Variants in SLCO3A1 observed in about 807,000 individuals in gnomAD.
The protein encoded by SLCO3A1 is solute carrier organic anion transporter family member 3A1.
In SLCO3A1, 27 loss-of-function variants were observed where a neutral mutation model predicts 63.1. That is an observed-to-expected ratio of 0.43 (90% CI 0.32 to 0.59). The LOEUF (loss-of-function observed/expected upper bound fraction) is 0.59. SLCO3A1 is among the 20% of genes least tolerant of loss of function. The pLI is 0.09. For synonymous variants in SLCO3A1, 473 were observed against 409.9 expected (o/e 1.15, Z -1.86); for missense variants, 773 against 945.8 (o/e 0.82, Z 2.40).
chr15:92,063,681 C>G (rs2047113541), intron 2 of SLCO3A1, among the ~76,000 whole-genome samples: 1 of 152,094 alleles, frequency 6.6e-6, no homozygotes, highest in African/African-American at 2.4e-5. Context: ...GGAACCCTGT[C>G]TCTACTAAAA....
chr15:92,109,730 C>T lies in SLCO3A1; in HGVS notation c.1009+5188C>T, dbSNP rs116872475. 6.4e-3 allele frequency among the ~76,000 whole-genome samples: 972 copies of T among 152,096 alleles called. 3 individuals are homozygous for T. The highest frequency in any genetic ancestry group is 0.011 in the Non-Finnish European group (746 of 68,010). The stretch of plus-strand genomic sequence containing the variant: ...AGGCTCAGAGTCTTCAAAGCCACCA[C>T]CCAAATCTAGGAGATGAGTTATGAT... On this transcript the variant is annotated intron_variant, in intron 4 of 9. Coordinates refer to ENST00000318445, the MANE Select transcript of SLCO3A1 (RefSeq NM_013272.4).
chr15:92,064,783 C>T (rs2047129409), intron 2 of SLCO3A1, among the ~76,000 whole-genome samples: 1 of 152,134 alleles, frequency 6.6e-6, no homozygotes, highest in African/African-American at 2.4e-5. Context: ...ACAAATATTG[C>T]ATGTTCTCAC....
chr15:91,939,936 C>T (rs1457756754), intron 2 of SLCO3A1, among the ~76,000 whole-genome samples: 1 of 152,158 alleles, frequency 6.6e-6, no homozygotes, highest in Non-Finnish European at 1.5e-5. Flanking sequence ...AGTCACTTGC[C>T]TGGGGTCACA....
chr15:92,062,073 CA>C (rs1355407756), intron 2 of SLCO3A1, among the ~76,000 whole-genome samples: 2 of 152,158 alleles, frequency 1.3e-5, no homozygotes, highest in Non-Finnish European at 2.9e-5. Flanking sequence ...GAGGCCTTGT[CA>C]AAACAGGATG....
intron 7 of SLCO3A1, among the ~76,000 whole-genome samples, chr15:92,142,937 T>C (rs912857312): frequency 8.5e-5 from 13 of 152,056 alleles, no homozygotes; most frequent in Admixed American, 7.2e-4. Context: ...CAGGCAGCAA[T>C]TGCAGATGAC....
At chr15:91,963,913 T>G (rs1160515711) in intron 2 of SLCO3A1, among the ~76,000 whole-genome samples, 3 of 152,174 alleles carry the variant, frequency 2.0e-5, no homozygotes, top group South Asian at 2.1e-4. Flanking sequence ...CCAGCTTTTA[T>G]TCCCTTATTT....
intron 1 of SLCO3A1, among the ~76,000 whole-genome samples, chr15:91,868,616 G>A (rs1396274108): frequency 6.6e-6 from 1 of 152,098 alleles, no homozygotes; most frequent in Non-Finnish European, 1.5e-5. Context: ...TGAAGTCCAT[G>A]TCTGGGGCTG....
At chr15:92,071,063 A>G (rs906537219) in intron 2 of SLCO3A1, among the ~76,000 whole-genome samples, 2 of 152,238 alleles carry the variant, frequency 1.3e-5, no homozygotes, top group Non-Finnish European at 2.9e-5. Context: ...TTAAAGGGGC[A>G]TAGCTCTTTT....
In SLCO3A1 at chr15:91,854,389, C is replaced by CG. The variant is rs201495459; in HGVS notation, c.180+301_180+302insG. On this transcript the variant is annotated intron_variant, in intron 1 of 9. Coordinates refer to ENST00000318445, the MANE Select transcript of SLCO3A1 (RefSeq NM_013272.4). The surrounding 1 kb of genome is among the most constrained non-coding windows in gnomAD (Gnocchi z 6.4). Reference sequence around the variant, plus strand: ...GTGGGCGTGAAACTATTCCTCTCCCCCCATAAGAGCGGAGCGAGACGGTGA... The same window carrying CG: ...GTGGGCGTGAAACTATTCCTCTCCCCGCCATAAGAGCGGAGCGAGACGGTGA... 857 of 1,055,470 alleles carry CG rather than the reference C, an allele frequency of 8.1e-4. 4 individuals are homozygous for CG. The African/African-American group carries it at 0.013, about 17-fold the overall frequency. The allele number at this position is 1,055,470 out of a possible 1,614,324, so 65.4% of individuals were successfully genotyped here.
chr15:91,984,046 C>T (rs1387436570), intron 2 of SLCO3A1, among the ~76,000 whole-genome samples: 5 of 152,170 alleles, frequency 3.3e-5, no homozygotes, highest in Non-Finnish European at 5.9e-5. Flanking sequence ...TGACCCTCCC[C>T]AACCAAACAA....
chr15:91,941,607 G>T lies in SLCO3A1; in HGVS notation c.646+25149G>T, dbSNP rs8027174. On this transcript the variant is annotated intron_variant, in intron 2 of 9. Coordinates refer to ENST00000318445, the MANE Select transcript of SLCO3A1 (RefSeq NM_013272.4). This position sits in a 1 kb window ranked among gnomAD's most constrained non-coding sequence, Gnocchi z 4.4. The stretch of plus-strand genomic sequence containing the variant: ...TAATCTTTTCTCTTCCTTCGTCTTG[G>T]AGGTTTTGAAGCTTCTAATCTCCCA... 0.069 allele frequency: 31,370 copies of T among 455,534 alleles called. 1,325 individuals carry two copies. Among genetic ancestry groups the T allele is most frequent in the Non-Finnish European group, 0.089 (20,278 of 226,604 alleles). 28.2% of individuals were successfully genotyped at this position (455,534 alleles called of 1,614,324 possible).
intron 4 of SLCO3A1, among the ~76,000 whole-genome samples, chr15:92,118,846 G>A (rs1244699467): frequency 6.6e-6 from 1 of 152,154 alleles, no homozygotes; most frequent in African/African-American, 2.4e-5. Context: ...CTTTATGATC[G>A]CAGCAGCACA....
intron 2 of SLCO3A1, among the ~76,000 whole-genome samples, chr15:91,938,025 A>T (rs891363454): frequency 6.6e-6 from 1 of 152,206 alleles, no homozygotes; most frequent in Non-Finnish European, 1.5e-5. Flanking sequence ...CCTGGCTCAG[A>T]GGAAGCAATC....
intron 2 of SLCO3A1, among the ~76,000 whole-genome samples, chr15:92,014,373 C>T (rs2046402214): frequency 6.6e-6 from 1 of 152,176 alleles, no homozygotes; most frequent in Admixed American, 6.5e-5. Flanking sequence ...AACTGGCACT[C>T]TTCGGAGGGC....
chr15:92,160,316 G>C lies in SLCO3A1; in HGVS notation c.1754-2440G>C, dbSNP rs573301979. On this transcript the variant is annotated intron_variant, in intron 9 of 9. Coordinates refer to ENST00000318445, the MANE Select transcript of SLCO3A1 (RefSeq NM_013272.4). ...GATCTTCATTTTTTACATAAATAAC[G>C]TGGTGTGTGGCTTAGTTTCTATTAT... Among the ~76,000 whole-genome samples the C allele has an allele frequency of 2.1e-4, 32 of 152,116 alleles. No homozygotes were observed. The East Asian group carries it at 5.8e-3, about 28-fold the overall frequency.
At chr15:91,932,406 C>T (rs561481344) in intron 2 of SLCO3A1, among the ~76,000 whole-genome samples, 20 of 152,002 alleles carry the variant, frequency 1.3e-4, no homozygotes, top group South Asian at 4.2e-4. Context: ...CTCCCTTCTC[C>T]GTGATTATTT....
Position 91,897,718 on chromosome 15 carries a change from T to C in SLCO3A1, c.181-18275T>C, listed in dbSNP as rs1302081487. 4.6e-5 allele frequency among the ~76,000 whole-genome samples: 7 copies of C among 152,192 alleles called. No individual in the cohort carries two copies. Among genetic ancestry groups the C allele is most frequent in the African/African-American group, 1.4e-4 (6 of 41,444 alleles). ...GGCAGAGTGGATTGGTGTGCTCCCATGTGCTAGGCTGAGTCTACCCTGCAG... is the reference window on the plus strand; with the variant it reads ...GGCAGAGTGGATTGGTGTGCTCCCACGTGCTAGGCTGAGTCTACCCTGCAG... On this transcript the variant is annotated intron_variant, in intron 1 of 9. Transcript: ENST00000318445. The surrounding 1 kb of genome is among the most constrained non-coding windows in gnomAD (Gnocchi z 4.7).
chr15:91,987,949 A>G (rs2046075695), intron 2 of SLCO3A1, among the ~76,000 whole-genome samples: 1 of 152,124 alleles, frequency 6.6e-6, no homozygotes, highest in African/African-American at 2.4e-5. Context: ...ATTTGCCGGC[A>G]AAGGATTAAG....
chr15:92,027,335 T>C (rs1358932520), intron 2 of SLCO3A1, among the ~76,000 whole-genome samples: 1 of 152,262 alleles, frequency 6.6e-6, no homozygotes, highest in Admixed American at 6.5e-5. Flanking sequence ...TGTTGAGAGA[T>C]AAACTTTGTG....
Sources: allele counts gnomAD v4.1 joint callset (sites outside exome capture counted in the v4.1 genomes callset), GRCh38; gene constraint gnomAD v4.1.1; non-coding constraint Gnocchi (gnomAD v3.1); transcripts MANE v1.5; gene names NCBI Gene and HGNC (gene_info 2026-07-23, HGNC 2026-07-21).